Variants in TMTC2 observed in about 807,000 individuals in gnomAD.
TMTC2 encodes the protein transmembrane O-mannosyltransferase targeting cadherins 2, also known as protein O-mannosyl-transferase TMTC2.
TMTC2 carries 43 observed loss-of-function variants against 82.4 expected under a neutral mutation model. That is an observed-to-expected ratio of 0.52 (90% confidence interval 0.41 to 0.67). TMTC2 has a LOEUF of 0.67. TMTC2 is among the 30% of genes least tolerant of loss of function. TMTC2 has a pLI of 0.00. For synonymous variants in TMTC2, 408 were observed against 381.9 expected (o/e 1.07, Z -0.80); for missense variants, 919 against 1,012.4 (o/e 0.91, Z 1.25).
At chr12:82,812,674 T>C (rs1431609698) in intron 1 of TMTC2, among the ~76,000 whole-genome samples, 1 of 152,112 alleles carries the variant, frequency 6.6e-6, no homozygotes, top group Non-Finnish European at 1.5e-5. Flanking sequence ...TTTATTGAAA[T>C]AATTAAACAC....
intron 9 of TMTC2, among the ~76,000 whole-genome samples, chr12:83,033,954 C>CT (rs1308356449): frequency 8.9e-5 from 13 of 145,400 alleles, no homozygotes; most frequent in Non-Finnish European, 1.4e-4. Context: ...TGGGGGTTTG[C>CT]TTTTTTTTTC....
At chr12:82,876,144 G>T (rs1047157472) in intron 2 of TMTC2, among the ~76,000 whole-genome samples, 1 of 146,200 alleles carries the variant, frequency 6.8e-6, no homozygotes, top group Non-Finnish European at 1.5e-5. Flanking sequence ...TGGTGGTGGT[G>T]GTGGTGGTGG....
chr12:82,837,571 G>C (rs73358271), intron 1 of TMTC2, among the ~76,000 whole-genome samples: 10,603 of 152,238 alleles, frequency 0.07, 505 homozygotes, highest in African/African-American at 0.12. Flanking sequence ...TGGCATTATT[G>C]TAATTGTCTG....
At chr12:82,986,232 C>A in intron 8 of TMTC2, 186 bp downstream of exon 8, 1 of 686,034 alleles carries the variant, frequency 1.5e-6, no homozygotes, top group Non-Finnish European at 2.4e-6. Context: ...GAGGTTTGGT[C>A]TAGATAAGAT....
At chr12:82,740,514 A>T (rs1461319671) in intron 1 of TMTC2, among the ~76,000 whole-genome samples, 3 of 152,168 alleles carry the variant, frequency 2.0e-5, no homozygotes, top group Admixed American at 2.0e-4. Context: ...TGTGTTGTGG[A>T]TTTAAACTGA....
chr12:82,859,677 C>T (rs751553795), intron 2 of TMTC2, among the ~76,000 whole-genome samples: 1 of 152,120 alleles, frequency 6.6e-6, no homozygotes, highest in Non-Finnish European at 1.5e-5. Flanking sequence ...TAAGAAATGC[C>T]ACTAGCAAGG....
At chr12:82,860,804 A>T (rs1871502602) in intron 2 of TMTC2, among the ~76,000 whole-genome samples, 1 of 152,222 alleles carries the variant, frequency 6.6e-6, no homozygotes, top group East Asian at 1.9e-4. Context: ...TTAGTAATTG[A>T]CCAAAGCTGA....
At chr12:83,047,067 G>A (rs1565868048) in intron 9 of TMTC2, among the ~76,000 whole-genome samples, 1 of 152,206 alleles carries the variant, frequency 6.6e-6, no homozygotes, top group Non-Finnish European at 1.5e-5. Flanking sequence ...GACAGAACTG[G>A]AGATTGGGAT....
chr12:82,974,018 A>T, intron 7 of TMTC2, among the ~76,000 whole-genome samples: 1 of 152,230 alleles, frequency 6.6e-6, no homozygotes, highest in East Asian at 1.9e-4. Flanking sequence ...TTAATACCTA[A>T]TTATATCTTC....
At chr12:82,793,092 G>T (rs1055375574) in intron 1 of TMTC2, among the ~76,000 whole-genome samples, 1 of 152,092 alleles carries the variant, frequency 6.6e-6, no homozygotes, top group Admixed American at 6.5e-5. Flanking sequence ...CCACTGCAGG[G>T]TTTAATTACA....
intron 1 of TMTC2, among the ~76,000 whole-genome samples, chr12:82,768,411 G>T (rs1372320761): frequency 6.6e-6 from 1 of 152,002 alleles, no homozygotes; most frequent in East Asian, 1.9e-4. Flanking sequence ...TTGTAAAAGA[G>T]GCTGTGTGTG....
At chr12:83,033,295 T>C (rs967129721) in intron 9 of TMTC2, among the ~76,000 whole-genome samples, 111 of 152,224 alleles carry the variant, frequency 7.3e-4, no homozygotes, top group African/African-American at 2.6e-3. Flanking sequence ...TTTCAAAGGA[T>C]TGAATTTTAG....
chr12:82,702,121 C>A (rs933494404), intron 1 of TMTC2, among the ~76,000 whole-genome samples: 2 of 152,110 alleles, frequency 1.3e-5, no homozygotes, highest in Middle Eastern at 3.2e-3. Flanking sequence ...TGAAATTGGC[C>A]ATTTTGGAGT....
At chr12:83,037,025 A>AC (rs934245339) in intron 9 of TMTC2, among the ~76,000 whole-genome samples, 1 of 152,132 alleles carries the variant, frequency 6.6e-6, no homozygotes, top group African/African-American at 2.4e-5. Context: ...GGAGGGGTCC[A>AC]CCCTCATGAC....
Position 82,920,485 on chromosome 12 carries a change from G to A in TMTC2, c.1484-9946G>A, listed in dbSNP as rs566406837. 2.4e-4 allele frequency among the ~76,000 whole-genome samples: 37 copies of A among 152,146 alleles called. No homozygotes were observed. The South Asian group carries it at 4.6e-3, about 19-fold the overall frequency. ...GCCTTTCAAAGAACATCAAACCATG[G>A]CAGACTGTGGACTAAGTACAAGAGA... is the stretch of plus-strand genomic sequence containing the variant. On this transcript the variant is annotated intron_variant, in intron 3 of 11. Coordinates refer to ENST00000321196, the MANE Select transcript of TMTC2 (RefSeq NM_152588.3).
chr12:82,941,032 A>G (rs545617990), intron 4 of TMTC2, among the ~76,000 whole-genome samples: 2 of 152,308 alleles, frequency 1.3e-5, no homozygotes, highest in Non-Finnish European at 2.9e-5. Flanking sequence ...ATCACAAAAT[A>G]CCATAACGGA....
At chr12:83,076,058 C>CTGT (rs1883275134) in intron 11 of TMTC2, among the ~76,000 whole-genome samples, 1 of 152,234 alleles carries the variant, frequency 6.6e-6, no homozygotes, top group South Asian at 2.1e-4. Flanking sequence ...TGTTTACTAA[C>CTGT]TGTTGGCGTG....
chr12:82,794,789 C>T (rs1452625507), intron 1 of TMTC2, among the ~76,000 whole-genome samples: 8 of 152,006 alleles, frequency 5.3e-5, no homozygotes, highest in Admixed American at 1.3e-4. Flanking sequence ...TGATGTAAGT[C>T]GCAGTTTTGC....
intron 4 of TMTC2, among the ~76,000 whole-genome samples, chr12:82,946,856 C>T (rs1241381926): frequency 2.6e-5 from 4 of 151,854 alleles, no homozygotes; most frequent in South Asian, 2.1e-4. Context: ...ATTCTCCTGC[C>T]TCAGCCTCCC....
Sources: allele counts gnomAD v4.1 joint callset (sites outside exome capture counted in the v4.1 genomes callset), GRCh38; gene constraint gnomAD v4.1.1; transcripts MANE v1.5; gene names NCBI Gene and HGNC (gene_info 2026-07-23, HGNC 2026-07-21).